MIA2: variants seen among roughly 807,000 people sequenced by gnomAD.
MIA2 encodes MIA SH3 domain ER export factor 2.
A neutral mutation model predicts 167.8 loss-of-function variants in MIA2; 127 were observed. The observed-to-expected ratio is 0.76, with a 90% CI of 0.66 to 0.88. The LOEUF is 0.88. Ranked by LOEUF, MIA2 falls within the 40% of genes least tolerant of loss-of-function variation. MIA2 has a pLI of 0.00. For missense variants in MIA2, 1,690 were observed against 1,624.7 expected (o/e 1.04, Z -0.69); for synonymous variants, 552 against 541.9 (o/e 1.02, Z -0.26).
At position 39,350,681 on chromosome 14, in the gene MIA2, T is replaced by C. The variant is rs2074292568; in HGVS notation, c.*417T>C. On this transcript the variant is annotated 3_prime_UTR_variant, in exon 29 of 29. Coordinates refer to ENST00000640607, the MANE Select transcript of MIA2 (RefSeq NM_001329214.4). The stretch of plus-strand genomic sequence containing the variant: ...TTGGCATTGATAATAATAAAATCAG[T>C]AGTTTTTCTATAACTATGGCTCTAT... The C allele has an allele frequency of 1.3e-5, 2 of 151,044 alleles. No individual in the cohort carries two copies. Among genetic ancestry groups the C allele is most frequent in the Non-Finnish European group, 2.9e-5 (2 of 68,906 alleles). The allele number at this position is 151,044 out of a possible 1,614,324, so 9.4% of individuals were successfully genotyped here.
intron 9 of MIA2, among the ~76,000 whole-genome samples, chr14:39,287,278 A>G (rs1389419907): frequency 6.6e-6 from 1 of 151,156 alleles, no homozygotes; most frequent in Non-Finnish European, 1.5e-5. Flanking sequence ...TGTTTGGCCA[A>G]GTTGCCCAAG....
intron 23 of MIA2, chr14:39,386,774 C>A (rs1429653583): frequency 9.3e-6 from 12 of 1,288,586 alleles, no homozygotes; most frequent in Non-Finnish European, 1.2e-5. Context: ...ATGCCCGCTT[C>A]TTTGCTTTTC....
intron 7 of MIA2, among the ~76,000 whole-genome samples, chr14:39,278,578 T>G (rs2058495689): frequency 1.3e-5 from 2 of 152,228 alleles, no homozygotes; most frequent in South Asian, 4.1e-4. Context: ...AATTCCCGCC[T>G]GCTTCATTAT....
intron 25 of MIA2, among the ~76,000 whole-genome samples, chr14:39,331,028 C>T (rs1017119095): frequency 5.3e-5 from 8 of 152,210 alleles, no homozygotes; most frequent in Admixed American, 3.9e-4. Flanking sequence ...TTTTCTGTCT[C>T]GTTGATCTGT....
At chr14:39,235,129 A>C (rs946938231) in intron 1 of MIA2, among the ~76,000 whole-genome samples, 7 of 151,330 alleles carry the variant, frequency 4.6e-5, no homozygotes, top group African/African-American at 1.7e-4. Context: ...TCTGCCTCCC[A>C]GGTTCAAGCG....
chr14:39,344,916 T>C (rs1378149337), intron 25 of MIA2, among the ~76,000 whole-genome samples: 5 of 152,158 alleles, frequency 3.3e-5, no homozygotes, highest in African/African-American at 1.2e-4. Context: ...TACCATATTG[T>C]CATCATAAAT....
At chr14:39,297,157 T>C (rs561930182) in intron 13 of MIA2, among the ~76,000 whole-genome samples, 2 of 149,620 alleles carry the variant, frequency 1.3e-5, no homozygotes, top group East Asian at 4.0e-4. Context: ...TTCATGGCGC[T>C]ATCTCAGCTC....
rs1179815713 is a variant in MIA2 at position 39,257,926 on chromosome 14, G to T, written c.1887+4755G>T. ...GAATATTGGCCCCCACTCTCTTCTG[G>T]CTTATAGGATTTCTGCAGAGAGATC... is the stretch of plus-strand genomic sequence containing the variant. On this transcript the variant is annotated intron_variant, in intron 6 of 28. Coordinates refer to ENST00000640607, the MANE Select transcript of MIA2 (RefSeq NM_001329214.4). Among the ~76,000 whole-genome samples the T allele has an allele frequency of 5.9e-5, 9 of 152,190 alleles. 1 individual carries two copies. Among genetic ancestry groups the T allele is most frequent in the Non-Finnish European group, 1.2e-4 (8 of 68,030 alleles).
chr14:39,353,587 A>C (rs1170543655), downstream of MIA2, among the ~76,000 whole-genome samples: 1 of 152,048 alleles, frequency 6.6e-6, no homozygotes, highest in African/African-American at 2.4e-5. Context: ...TTTTTTTATT[A>C]TACTTCAAGT....
intron 23 of MIA2, among the ~76,000 whole-genome samples, chr14:39,363,740 A>G (rs1463961353): frequency 6.6e-6 from 1 of 152,088 alleles, no homozygotes; most frequent in African/African-American, 2.4e-5. Flanking sequence ...CTCTTGCTGA[A>G]TTGATTCCTT....
intron 25 of MIA2, among the ~76,000 whole-genome samples, chr14:39,338,427 G>C (rs983708046): frequency 2.0e-5 from 3 of 152,134 alleles, no homozygotes; most frequent in Non-Finnish European, 2.9e-5. Flanking sequence ...AGCATATAAT[G>C]TGATTTTTTT....
chr14:39,306,562 C>T (rs911592092), intron 17 of MIA2, among the ~76,000 whole-genome samples: 11 of 152,094 alleles, frequency 7.2e-5, no homozygotes, highest in Non-Finnish European at 1.2e-4. Flanking sequence ...CCCATCTGGC[C>T]CCACCTCTAA....
chr14:39,297,351 C>G (rs1356499199), intron 13 of MIA2, among the ~76,000 whole-genome samples: 1 of 152,100 alleles, frequency 6.6e-6, no homozygotes, highest in Admixed American at 6.6e-5. Context: ...CTCGGCCTCC[C>G]AAAGTGCTGG....
At chr14:39,249,386 C>A (rs2054457919) in intron 4 of MIA2, among the ~76,000 whole-genome samples, 1 of 151,918 alleles carries the variant, frequency 6.6e-6, no homozygotes, top group African/African-American at 2.4e-5. Flanking sequence ...AAGGGATCCT[C>A]CCACTTCAGC....
At chr14:39,234,664 C>T (rs1454627648) in intron 1 of MIA2, among the ~76,000 whole-genome samples, 1 of 152,004 alleles carries the variant, frequency 6.6e-6, no homozygotes, top group Non-Finnish European at 1.5e-5. Flanking sequence ...TCAGAACTTT[C>T]TGATTCTCAT....
At chr14:39,369,895 TTTC>T (rs2074900498) in intron 23 of MIA2, among the ~76,000 whole-genome samples, 1 of 152,230 alleles carries the variant, frequency 6.6e-6, no homozygotes, top group Admixed American at 6.5e-5. Context: ...CGTTTATTAG[TTTC>T]TTCTTTGTTC....
At chr14:39,274,716 G>A (rs2057687512) in intron 6 of MIA2, among the ~76,000 whole-genome samples, 1 of 150,534 alleles carries the variant, frequency 6.6e-6, no homozygotes, top group South Asian at 2.1e-4. Context: ...CTGAGCCACC[G>A]TGCGTGGCCA....
chr14:39,281,499 C>G (rs964634092), intron 9 of MIA2, among the ~76,000 whole-genome samples: 10 of 152,146 alleles, frequency 6.6e-5, no homozygotes, highest in African/African-American at 2.4e-4. Context: ...TCATCTCTTG[C>G]CTTTTTCAGT....
intron 6 of MIA2, among the ~76,000 whole-genome samples, chr14:39,259,857 A>G (rs2055003890): frequency 6.6e-6 from 1 of 151,536 alleles, no homozygotes; most frequent in South Asian, 2.1e-4. Flanking sequence ...TCCCTCTCCT[A>G]TCCCCCCGCC....
Sources: gnomAD v4.1 joint callset for allele counts (sites outside exome capture counted in the v4.1 genomes callset) on GRCh38, gnomAD v4.1.1 for gene constraint, MANE v1.5 for transcripts, NCBI Gene and HGNC (gene_info 2026-07-23, HGNC 2026-07-21) for gene names.